Variants in OR1J2 observed in about 807,000 individuals in gnomAD.
OR1J2 encodes olfactory receptor family 1 subfamily J member 2.
For missense variants in OR1J2, 304 were observed against 246.1 expected, an observed-to-expected ratio of 1.24 and a Z score of -1.57; for synonymous variants, 142 against 99.7, an observed-to-expected ratio of 1.42 and a Z score of -2.52.
the OR1J2 span, among the ~76,000 whole-genome samples, chr9:122,561,250 A>G: frequency 6.6e-6 from 1 of 152,156 alleles, no homozygotes; most frequent in Non-Finnish European, 1.5e-5. Flanking sequence ...AGCCTTTATC[A>G]AGGTCCTTAG....
chr9:122,509,827 T>TA (rs778439279), upstream of OR1J2, among the ~76,000 whole-genome samples: 1 of 152,062 alleles, frequency 6.6e-6, no homozygotes, highest in Non-Finnish European at 1.5e-5. Flanking sequence ...AAAGGTAGTT[T>TA]AAAAAAAGAT....
the OR1J2 span, among the ~76,000 whole-genome samples, chr9:122,524,253 A>C: frequency 6.6e-5 from 10 of 152,230 alleles, no homozygotes; most frequent in African/African-American, 2.4e-4. Context: ...TATACCATAT[A>C]GCTTAGCTGT....
the OR1J2 span, among the ~76,000 whole-genome samples, chr9:122,489,305 G>A: frequency 1.3e-5 from 2 of 151,360 alleles, no homozygotes; most frequent in Non-Finnish European, 2.9e-5. Flanking sequence ...ATTTACACTC[G>A]CCAGACTACG....
the OR1J2 span, among the ~76,000 whole-genome samples, chr9:122,466,075 C>T: frequency 1.3e-5 from 2 of 152,162 alleles, no homozygotes; most frequent in African/African-American, 4.8e-5. Context: ...GTTTTTCTTA[C>T]CTGTGCCAGT....
the OR1J2 span, among the ~76,000 whole-genome samples, chr9:122,495,367 G>A: frequency 5.3e-5 from 8 of 152,040 alleles, no homozygotes; most frequent in Non-Finnish European, 1.2e-4. Context: ...CTTCTTAGAG[G>A]CTTTGTTCAT....
In OR1J2 at chr9:122,511,656, G is replaced by A. The variant is rs1386035793; in HGVS notation, c.855G>A (p.Leu285=). 8 of 780,844 alleles carry A rather than the reference G, an allele frequency of 1.0e-5. No homozygotes were observed. The highest frequency in any genetic ancestry group is 1.7e-5 in the African/African-American group (1 of 59,094). 48.4% of individuals were successfully genotyped at this position (780,844 alleles called of 1,614,324 possible). ...TGTACACGGTGGTCACACCCATGTT[G>A]AACCCCTTTATCTACAGCCTTAGGA... ...ALMYTVVTPM[L]NPFIYSLRNR... Residue 285 remains leucine (L), a synonymous_variant, in exon 1 of 1, where the codon TTG becomes TTA. Transcript: ENST00000335302.
At chr9:122,514,420 C>T (rs1260361753), downstream of OR1J2, among the ~76,000 whole-genome samples, 1 of 152,124 alleles carries the variant, frequency 6.6e-6, no homozygotes. Flanking sequence ...GGATGATGGC[C>T]TCCAGTTACA....
At chr9:122,535,195 G>A in the OR1J2 span, among the ~76,000 whole-genome samples, 18 of 152,064 alleles carry the variant, frequency 1.2e-4, no homozygotes, top group Non-Finnish European at 2.1e-4. Context: ...ATAAAGGGTC[G>A]GGGTGCAGAA....
the OR1J2 span, chr9:122,553,945 G>C: frequency 6.2e-7 from 1 of 1,613,902 alleles, no homozygotes; most frequent in Non-Finnish European, 8.5e-7. Context: ...TCTACCTGTG[G>C]TTCTCATCTC....
At chr9:122,523,617 T>C in the OR1J2 span, among the ~76,000 whole-genome samples, 1 of 152,156 alleles carries the variant, frequency 6.6e-6, no homozygotes, top group Non-Finnish European at 1.5e-5. Flanking sequence ...GAAGGTAGAC[T>C]AGACGGTATT....
chr9:122,479,293 T>C, the OR1J2 span, among the ~76,000 whole-genome samples: 1 of 152,192 alleles, frequency 6.6e-6, no homozygotes, highest in African/African-American at 2.4e-5. Flanking sequence ...TCAGAATTTG[T>C]CTTTTCCCCA....
the OR1J2 span, chr9:122,553,310 C>A: frequency 6.2e-7 from 1 of 1,614,034 alleles, no homozygotes; most frequent in Non-Finnish European, 8.5e-7. Flanking sequence ...TGTTTGGCAT[C>A]TTCCTTGGCA....
chr9:122,517,308 T>C, the OR1J2 span, among the ~76,000 whole-genome samples: 1 of 152,238 alleles, frequency 6.6e-6, no homozygotes, highest in East Asian at 1.9e-4. Context: ...AATGCTGGAG[T>C]GAGCAGGTGC....
At chr9:122,575,634 A>G in the OR1J2 span, among the ~76,000 whole-genome samples, 1 of 152,164 alleles carries the variant, frequency 6.6e-6, no homozygotes. Context: ...TTTAAAAACT[A>G]AATTTTATTG....
the OR1J2 span, among the ~76,000 whole-genome samples, chr9:122,502,677 T>A: frequency 6.7e-6 from 1 of 150,026 alleles, no homozygotes; most frequent in South Asian, 2.1e-4. Flanking sequence ...ACATAGTACT[T>A]TTTTTTTTTT....
At chr9:122,502,847 C>T in the OR1J2 span, among the ~76,000 whole-genome samples, 1 of 152,152 alleles carries the variant, frequency 6.6e-6, no homozygotes, top group African/African-American at 2.4e-5. Context: ...ATAAATGCCT[C>T]CAAGACAGTG....
At chr9:122,519,218 G>A in the OR1J2 span, 1 of 1,612,780 alleles carries the variant, frequency 6.2e-7, no homozygotes, top group African/African-American at 1.3e-5. Flanking sequence ...AGCAGGCTGT[G>A]TTCTTCACCC....
At chr9:122,515,822 T>A (rs1341653565), downstream of OR1J2, among the ~76,000 whole-genome samples, 20 of 152,166 alleles carry the variant, frequency 1.3e-4, 1 homozygote, top group Admixed American at 1.3e-3. Context: ...CTTGATAATT[T>A]CCTGCCTGTA....
the OR1J2 span, among the ~76,000 whole-genome samples, chr9:122,532,918 G>C: frequency 6.6e-6 from 1 of 152,094 alleles, no homozygotes; most frequent in Admixed American, 6.5e-5. Context: ...GAGCACGTGT[G>C]TTTTTATGAG....
Sources: gnomAD v4.1 joint callset for allele counts (sites outside exome capture counted in the v4.1 genomes callset) on GRCh38, gnomAD v4.1.1 for gene constraint, MANE v1.5 for transcripts, NCBI Gene and HGNC (gene_info 2026-07-23, HGNC 2026-07-21) for gene names.